Variants in PANK3 observed in about 807,000 individuals in gnomAD.
PANK3 encodes pantothenate kinase 3, also known as hPanK3.
PANK3 carries 20 observed loss-of-function variants against 39.4 expected under a neutral mutation model. That is an observed-to-expected ratio of 0.51 (90% confidence interval 0.36 to 0.74). The LOEUF is 0.74. Among genes scored for constraint, PANK3 ranks in the 30% least tolerant of loss-of-function variants. The pLI is 0.00. For synonymous variants in PANK3, 140 were observed against 157.3 expected (o/e 0.89, Z 0.82); for missense variants, 265 against 437.0 (o/e 0.61, Z 3.51).
intron 3 of PANK3, among the ~76,000 whole-genome samples, chr5:168,564,838 T>A (rs1367986491): frequency 2.0e-5 from 3 of 152,122 alleles, no homozygotes; most frequent in Non-Finnish European, 4.4e-5. Flanking sequence ...ATATTTCACA[T>A]GACCTACACA....
At chr5:168,579,168 G>A (rs1402915232) in intron 1 of PANK3, 88 bp downstream of exon 1, 1 of 1,252,444 alleles carries the variant, frequency 8.0e-7, no homozygotes, top group Non-Finnish European at 1.1e-6. Flanking sequence ...GGAGCGACGG[G>A]CTTGGAAGCC....
intron 5 of PANK3, chr5:168,560,813 T>C (rs1206872331): frequency 3.9e-6 from 1 of 257,688 alleles, no homozygotes; most frequent in Non-Finnish European, 9.0e-6. Flanking sequence ...GAATCCCAAC[T>C]ATATGGTCAA....
intron 5 of PANK3, 62 bp from the exon 6 acceptor site, chr5:168,559,219 T>C: frequency 9.1e-7 from 1 of 1,102,074 alleles, no homozygotes; most frequent in Non-Finnish European, 1.2e-6. Flanking sequence ...ATAAAAGGTT[T>C]CTAAATATTT....
chr5:168,578,084 C>G (rs1422472104), intron 1 of PANK3, among the ~76,000 whole-genome samples: 2 of 152,134 alleles, frequency 1.3e-5, no homozygotes, highest in Non-Finnish European at 2.9e-5. Flanking sequence ...TTAGACAATG[C>G]TCTATGGGTG....
In PANK3 at chr5:168,551,792, T is replaced by C. The variant is rs940067995; in HGVS notation, c.*5779A>G. On this transcript the variant is annotated 3_prime_UTR_variant, in exon 7 of 7. Transcript: ENST00000239231. The stretch of plus-strand genomic sequence containing the variant: ...TAAAAGAAAAAAAACCTCAGAAATT[T>C]TTATAGAGTCTAATATTTGGCAAAT... 1 of 152,154 alleles carries C rather than the reference T, an allele frequency of 6.6e-6. No homozygotes were observed. The highest frequency in any genetic ancestry group is 1.5e-5 in the Non-Finnish European group (1 of 68,042). 9.4% of individuals were successfully genotyped at this position (152,154 alleles called of 1,614,324 possible).
In PANK3 at chr5:168,550,180, A is replaced by C. The variant is rs904152029; in HGVS notation, c.*7391T>G. ...TAACGATATGTGGTACAATACTCTT[A>C]TTTGAGATATTAAACACTTCATTAT... On this transcript the variant is annotated 3_prime_UTR_variant, in exon 7 of 7. Coordinates refer to ENST00000239231, the MANE Select transcript of PANK3 (RefSeq NM_024594.4). The C allele has an allele frequency of 6.6e-6, 1 of 152,200 alleles. No homozygotes were observed. Among genetic ancestry groups the C allele is most frequent in the Admixed American group, 6.5e-5 (1 of 15,290 alleles). 9.4% of individuals were successfully genotyped at this position (152,200 alleles called of 1,614,324 possible).
rs561778009 is a variant in PANK3 at position 168,561,413 on chromosome 5, G to T, written c.916C>A (p.Arg306=). Residue 306 remains arginine (R), a synonymous_variant, in exon 5 of 7, where the codon CGA becomes AGA. Transcript: ENST00000239231. ...TITNNIGSVA[R]MCAVNEKINR... is the part of the protein sequence containing the mutation. The stretch of plus-strand genomic sequence containing the variant: ...TTTACCTCATTAACAGCACACATTC[G>T]TGCCACAGAACCAATGTTATTGGTG... 1.0e-5 allele frequency: 16 copies of T among 1,581,294 alleles called. No individual in the cohort carries two copies. The African/African-American group carries it at 1.9e-4, about 19-fold the overall frequency.
rs1204698726 is a variant in PANK3 at position 168,551,223 on chromosome 5, T to C, written c.*6348A>G. 2 of 152,198 alleles carry C rather than the reference T, an allele frequency of 1.3e-5. No homozygotes were observed. The highest frequency in any genetic ancestry group is 6.5e-5 in the Admixed American group (1 of 15,280). The allele number at this position is 152,198 out of a possible 1,614,324, so 9.4% of individuals were successfully genotyped here. A position where few individuals can be genotyped will look rare whatever the true frequency, so the allele number is the denominator to read the frequency against. ...ACTATTTTCTGAGATTATCTGATGA[T>C]AGAAACAAAGTTGGCTGAATTCCTT... is the stretch of plus-strand genomic sequence containing the variant. On this transcript the variant is annotated 3_prime_UTR_variant, in exon 7 of 7. Coordinates refer to ENST00000239231, the MANE Select transcript of PANK3 (RefSeq NM_024594.4).
chr5:168,573,416 CAAAAAAAAAAAAAAA>C (rs574960925), intron 1 of PANK3, among the ~76,000 whole-genome samples: 14 of 16,954 alleles, frequency 8.3e-4, no homozygotes, highest in South Asian at 2.9e-3. Flanking sequence ...CTCAGCAAGG[CAAAAAAAAAAAAAAA>C]AAAAAAAAAA....
chr5:168,575,895 A>G (rs1759724405), intron 1 of PANK3, among the ~76,000 whole-genome samples: 2 of 152,322 alleles, frequency 1.3e-5, no homozygotes, highest in African/African-American at 4.8e-5. Flanking sequence ...CGCTCGAAAC[A>G]TAGGGTATTT....
rs1759448048 is a variant in PANK3 at position 168,561,536 on chromosome 5, A to T, written c.813-20T>A. 1 of 1,551,718 alleles carries T rather than the reference A, an allele frequency of 6.4e-7. No homozygotes were observed. Among genetic ancestry groups the T allele is most frequent in the Non-Finnish European group, 8.7e-7 (1 of 1,151,896 alleles). On this transcript the variant is annotated intron_variant, in intron 4 of 6. Transcript: ENST00000239231. ...CCAAAACTGCAGAAAAATGAAAAAT[A>T]AAGTCAAATCTGCTGATAAAAAGCA...
At chr5:168,576,808 G>A (rs573477398) in intron 1 of PANK3, among the ~76,000 whole-genome samples, 1 of 151,612 alleles carries the variant, frequency 6.6e-6, no homozygotes, top group Non-Finnish European at 1.5e-5. Flanking sequence ...ACCCCATACA[G>A]GTATTCAAAA....
chr5:168,566,227 A>G lies in PANK3; in HGVS notation c.421T>C (p.Cys141Arg), dbSNP rs547954145. 1.4e-5 allele frequency: 22 copies of G among 1,611,168 alleles called. No homozygotes were observed. In the South Asian group the frequency reaches 2.4e-4, roughly 18 times the overall value. The change falls in exon 3 of 7, where the codon TGC becomes CGC. Residue 141 changes from cysteine to arginine, a missense_variant. Physicochemically the swap from Cys to Arg is radical, Grantham distance 180. This residue lies in a region of PANK3 where 154 missense variants were observed against 256.8 expected (regional missense o/e 0.60). Coordinates refer to ENST00000239231, the MANE Select transcript of PANK3 (RefSeq NM_024594.4). ...LHLHKLDELD[C>R]LVKGLLYIDS... The stretch of plus-strand genomic sequence containing the variant: ...ATATACAGCAAGCCCTTTACAAGGC[A>G]GTCAAGTTCATCCAGTTTGTGCAGG...
At position 168,550,005 on chromosome 5, in the gene PANK3, C is replaced by G. The variant is rs556616911; in HGVS notation, c.*7566G>C. On this transcript the variant is annotated 3_prime_UTR_variant, in exon 7 of 7. Transcript: ENST00000239231. ...ATAAGAAACAGCTTTTTAAAAAGGG[C>G]CACTAAAAAATCCCAAATATATGTA... 2 of 152,212 alleles carry G rather than the reference C, an allele frequency of 1.3e-5. No homozygotes were observed. The highest frequency in any genetic ancestry group is 1.9e-4 in the East Asian group (1 of 5,174). 9.4% of individuals were successfully genotyped at this position (152,212 alleles called of 1,614,324 possible).
chr5:168,572,886 G>A (rs776943182), intron 1 of PANK3, among the ~76,000 whole-genome samples: 27 of 152,222 alleles, frequency 1.8e-4, no homozygotes, highest in African/African-American at 3.4e-4. Flanking sequence ...TAGGGGTGGC[G>A]TGGGAACCTA....
chr5:168,557,825 TTTA>T (rs914505909), intron 6 of PANK3, among the ~76,000 whole-genome samples: 3 of 152,210 alleles, frequency 2.0e-5, no homozygotes, highest in Non-Finnish European at 2.9e-5. Context: ...TGTATTTTTA[TTTA>T]TTATTATTAT....
At chr5:168,564,368 T>C (rs1232988414) in intron 3 of PANK3, among the ~76,000 whole-genome samples, 1 of 152,160 alleles carries the variant, frequency 6.6e-6, no homozygotes, top group African/African-American at 2.4e-5. Flanking sequence ...AAAGATAAAT[T>C]GTTGTGTGTG....
intron 1 of PANK3, 25 bp downstream of exon 1, chr5:168,579,231 T>G: frequency 6.7e-7 from 1 of 1,484,366 alleles, no homozygotes; most frequent in Non-Finnish European, 9.0e-7. Flanking sequence ...CCTCCCAACC[T>G]GGCGGGCCCC....
intron 1 of PANK3, among the ~76,000 whole-genome samples, chr5:168,579,044 G>A (rs1404967971): frequency 6.6e-6 from 1 of 152,200 alleles, no homozygotes; most frequent in African/African-American, 2.4e-5. Flanking sequence ...GGGAGGAAAG[G>A]CTAGGGGGCG....
Sources: gnomAD v4.1 joint callset for allele counts (sites outside exome capture counted in the v4.1 genomes callset) on GRCh38, gnomAD v4.1.1 for gene constraint, gnomAD v4.1.1 regional missense constraint, MANE v1.5 for transcripts, NCBI Gene and HGNC (gene_info 2026-07-23, HGNC 2026-07-21) for gene names.